B3GALT1: variants seen among roughly 807,000 people sequenced by gnomAD.
B3GALT1 encodes the protein beta-1,3-galactosyltransferase 1.
A neutral mutation model predicts 23.2 loss-of-function variants in B3GALT1; 10 were observed. The ratio of observed to expected loss-of-function variants is 0.43; its 90% CI spans 0.27 to 0.73. The LOEUF (loss-of-function observed/expected upper bound fraction) is 0.73, where lower values mean the gene tolerates loss of function less well. B3GALT1 is among the 30% of genes least tolerant of loss of function. The pLI, the probability that B3GALT1 is intolerant of heterozygous loss-of-function variation, is 0.21. For synonymous variants in B3GALT1, 156 were observed against 141.5 expected, an observed-to-expected ratio of 1.10 and a Z score of -0.73; for missense variants, 299 against 405.4, an observed-to-expected ratio of 0.74 and a Z score of 2.25.
rs189870384 is a variant in B3GALT1 at position 167,611,274 on chromosome 2, A to G, written c.-409-35635A>G. Among the ~76,000 whole-genome samples the G allele has an allele frequency of 5.4e-3, 819 of 152,152 alleles. 10 individuals carry two copies. Among genetic ancestry groups the G allele is most frequent in the African/African-American group, 0.018 (763 of 41,552 alleles). On this transcript the variant is annotated intron_variant, in intron 2 of 4. Coordinates refer to ENST00000392690, the MANE Select transcript of B3GALT1 (RefSeq NM_020981.4). ...CCAATCATATTGCCTATGTAGAATA[A>G]TTCTAGGCATATGTACACTTTCCCA...
At chr2:167,535,099 C>T (rs1035947068) in intron 2 of B3GALT1, among the ~76,000 whole-genome samples, 1 of 152,044 alleles carries the variant, frequency 6.6e-6, no homozygotes, top group Non-Finnish European at 1.5e-5. Context: ...AGTCCCATTC[C>T]CTTGATGAAG....
chr2:167,455,850 C>T (rs2105322693), intron 1 of B3GALT1, among the ~76,000 whole-genome samples: 1 of 152,306 alleles, frequency 6.6e-6, no homozygotes, highest in South Asian at 2.1e-4. Flanking sequence ...ACTCTAAATG[C>T]TGTACTCTTA....
chr2:167,361,609 A>T (rs1308291730), intron 1 of B3GALT1, among the ~76,000 whole-genome samples: 1 of 152,154 alleles, frequency 6.6e-6, no homozygotes, highest in Non-Finnish European at 1.5e-5. Context: ...AATAGAAAAA[A>T]ATTCTCTCTG....
intron 1 of B3GALT1, among the ~76,000 whole-genome samples, chr2:167,295,951 A>G (rs1696344060): frequency 6.6e-6 from 1 of 152,206 alleles, no homozygotes; most frequent in Non-Finnish European, 1.5e-5. Context: ...AATGATGCAG[A>G]GTTGGGGTTG....
intron 1 of B3GALT1, among the ~76,000 whole-genome samples, chr2:167,416,788 G>A (rs1698477812): frequency 6.6e-6 from 1 of 152,170 alleles, no homozygotes; most frequent in Non-Finnish European, 1.5e-5. Flanking sequence ...TAACCAGAAG[G>A]TGGAACATGA....
chr2:167,825,093 G>A (rs773182692), intron 4 of B3GALT1, among the ~76,000 whole-genome samples: 5 of 151,922 alleles, frequency 3.3e-5, no homozygotes, highest in South Asian at 2.1e-4. Flanking sequence ...AGACCATCCT[G>A]GCTAACACGA....
At chr2:167,524,430 A>G (rs1302399684) in intron 2 of B3GALT1, among the ~76,000 whole-genome samples, 5 of 152,174 alleles carry the variant, frequency 3.3e-5, no homozygotes, top group African/African-American at 1.2e-4. Context: ...TTCCTTTCCC[A>G]ATGGCTATAA....
At chr2:167,729,678 A>G (rs553571255) in intron 3 of B3GALT1, among the ~76,000 whole-genome samples, 2 of 152,246 alleles carry the variant, frequency 1.3e-5, no homozygotes, top group East Asian at 3.9e-4. Flanking sequence ...TTTTAATGAT[A>G]CATTTCTATC....
intron 1 of B3GALT1, among the ~76,000 whole-genome samples, chr2:167,381,281 G>A (rs1184051401): frequency 1.3e-5 from 2 of 152,078 alleles, no homozygotes; most frequent in South Asian, 4.1e-4. Context: ...GGCTGGTCCC[G>A]AACTCCTGGG....
chr2:167,377,912 G>A (rs1697790224), intron 1 of B3GALT1, among the ~76,000 whole-genome samples: 1 of 152,100 alleles, frequency 6.6e-6, no homozygotes, highest in African/African-American at 2.4e-5. Flanking sequence ...TTGCTTTATA[G>A]TGTTTGTGGG....
intron 3 of B3GALT1, among the ~76,000 whole-genome samples, chr2:167,785,068 G>T (rs900576079): frequency 2.6e-5 from 4 of 152,160 alleles, no homozygotes; most frequent in Non-Finnish European, 4.4e-5. Context: ...TGGTGACCCT[G>T]GAGAAGTCAG....
intron 3 of B3GALT1, among the ~76,000 whole-genome samples, chr2:167,810,440 T>C (rs893613689): frequency 5.3e-5 from 8 of 150,930 alleles, no homozygotes; most frequent in Non-Finnish European, 8.8e-5. Flanking sequence ...GTTTGTTTTT[T>C]CATTGAAAGA....
At chr2:167,584,158 G>C (rs114959685) in intron 2 of B3GALT1, among the ~76,000 whole-genome samples, 1 of 152,132 alleles carries the variant, frequency 6.6e-6, no homozygotes, top group African/African-American at 2.4e-5. Context: ...TTAAATGGCA[G>C]GGAGCTGAGA....
chr2:167,816,032 C>T (rs560402125), intron 3 of B3GALT1, among the ~76,000 whole-genome samples: 1 of 152,252 alleles, frequency 6.6e-6, no homozygotes, highest in East Asian at 1.9e-4. Flanking sequence ...GTTGCAGTGC[C>T]TCTAACTTAA....
intron 1 of B3GALT1, among the ~76,000 whole-genome samples, chr2:167,395,891 A>G (rs1235317805): frequency 1.3e-5 from 2 of 152,186 alleles, no homozygotes; most frequent in African/African-American, 4.8e-5. Context: ...GTTAATAACT[A>G]AGAGGAATTT....
intron 3 of B3GALT1, among the ~76,000 whole-genome samples, chr2:167,784,598 A>G (rs915682770): frequency 8.5e-5 from 13 of 152,198 alleles, no homozygotes; most frequent in African/African-American, 2.9e-4. Context: ...GTAATAGCAC[A>G]TAACTGGAAA....
chr2:167,424,575 G>GT (rs1351229636), intron 1 of B3GALT1, among the ~76,000 whole-genome samples: 2 of 151,942 alleles, frequency 1.3e-5, no homozygotes, highest in African/African-American at 2.4e-5. Flanking sequence ...GTGTGTGTGT[G>GT]TTTGTGTTTG....
At chr2:167,864,031 T>A (rs1690160716) in intron 4 of B3GALT1, among the ~76,000 whole-genome samples, 1 of 151,962 alleles carries the variant, frequency 6.6e-6, no homozygotes. Context: ...TGTGTGTATG[T>A]TTCAGGTCTT....
intron 2 of B3GALT1, among the ~76,000 whole-genome samples, chr2:167,554,420 A>G (rs1241716473): frequency 1.3e-5 from 2 of 152,222 alleles, no homozygotes; most frequent in Non-Finnish European, 2.9e-5. Context: ...ATGGTGGATG[A>G]ACCAGCGGTA....
Sources: gnomAD v4.1 joint callset for allele counts (sites outside exome capture counted in the v4.1 genomes callset) on GRCh38, gnomAD v4.1.1 for gene constraint, MANE v1.5 for transcripts, NCBI Gene and HGNC (gene_info 2026-07-23, HGNC 2026-07-21) for gene names.